Variants in BEND2 observed in about 807,000 individuals in gnomAD.
The protein encoded by BEND2 is BEN domain containing 2.
Under a neutral mutation model 43.8 loss-of-function variants are expected in BEND2, and 19 were observed. The observed-to-expected ratio is 0.43, with a 90% CI of 0.30 to 0.64. The LOEUF is 0.64. BEND2 is among the 30% of genes least tolerant of loss of function. The probability of loss-of-function intolerance (pLI) is 0.11; values close to 1 mark genes in which losing one functional copy is unlikely to be tolerated. For synonymous variants in BEND2, 226 were observed against 210.1 expected, an observed-to-expected ratio of 1.08 and a Z score of -0.66; for missense variants, 544 against 574.0, an observed-to-expected ratio of 0.95 and a Z score of 0.53.
chrX:18,183,421 A>T (rs5955610), intron 8 of BEND2, among the ~76,000 whole-genome samples: 32 of 112,727 alleles, frequency 2.8e-4, no homozygotes, highest in African/African-American at 9.0e-4. Flanking sequence ...AACACACAGG[A>T]CACAGCTTCG....
chrX:18,198,803 A>C (rs1925045135), intron 6 of BEND2, among the ~76,000 whole-genome samples: 1 of 109,056 alleles, frequency 9.2e-6, no homozygotes, highest in Non-Finnish European at 1.9e-5. Context: ...GAACCAACCC[A>C]AATGTCCAAC....
chrX:18,220,821 G>A lies in BEND2; in HGVS notation c.-71C>T. On this transcript the variant is annotated 5_prime_UTR_variant, in exon 1 of 14. Coordinates refer to ENST00000380033, the MANE Select transcript of BEND2 (RefSeq NM_153346.5). ...GAGACCTGAGGCCTACGTCTGCGCC[G>A]CGGCTCTGAGGTAACTGCTTGGTAA... is the stretch of plus-strand genomic sequence containing the variant. 1.8e-6 allele frequency: 2 copies of A among 1,090,630 alleles called. No individual in the cohort carries two copies. The highest frequency in any genetic ancestry group is 2.0e-5 in the South Asian group (1 of 49,658). The allele number at this position is 1,090,630 out of a possible 1,213,427, so 89.9% of individuals were successfully genotyped here. A position where few individuals can be genotyped will look rare whatever the true frequency, so the allele number is the denominator to read the frequency against.
intron 9 of BEND2, among the ~76,000 whole-genome samples, chrX:18,178,643 T>C (rs2147396609): frequency 9.0e-6 from 1 of 111,719 alleles, no homozygotes; most frequent in Admixed American, 9.6e-5. Flanking sequence ...TCATCATAAT[T>C]TTCCTGACAA....
At chrX:18,173,017 T>A (rs755526759) in intron 12 of BEND2, among the ~76,000 whole-genome samples, 2 of 112,098 alleles carry the variant, frequency 1.8e-5, no homozygotes, top group Non-Finnish European at 3.8e-5. Flanking sequence ...AATAGTTTTT[T>A]AAAGTATTTT....
chrX:18,214,810 C>CAAA (rs58814498), intron 2 of BEND2, among the ~76,000 whole-genome samples: 418 of 35,294 alleles, frequency 0.012, no homozygotes, highest in Non-Finnish European at 0.013. Context: ...GACTCTGTCT[C>CAAA]AAAAAAAAAA....
At chrX:18,197,828 G>A (rs997565766) in intron 6 of BEND2, among the ~76,000 whole-genome samples, 2 of 111,303 alleles carry the variant, frequency 1.8e-5, no homozygotes, top group Non-Finnish European at 3.8e-5. Context: ...GTTGTGGGAG[G>A]GACCTAGGGG....
At position 18,203,791 on chromosome X, in the gene BEND2, A is replaced by G. The variant is rs1292472208; in HGVS notation, c.617T>C (p.Leu206Ser). 2.5e-6 allele frequency: 3 copies of G among 1,209,710 alleles called. No homozygotes were observed. Among genetic ancestry groups the G allele is most frequent in the Non-Finnish European group, 3.4e-6 (3 of 894,691 alleles). The change falls in exon 5 of 14, where the codon TTA becomes TCA. Residue 206 changes from leucine (L) to serine (S), a missense_variant. Leu to Ser is a moderately radical substitution (Grantham distance 145, BLOSUM62 -2). Transcript: ENST00000380033. ...TGAGGAGACAATTCTGGGATATGAT[A>G]AACTCTCACTGAGGTCTGCTTCCTG... ...ELQEADLSES[L>S]SYPRIVSSSS...
intron 9 of BEND2, among the ~76,000 whole-genome samples, chrX:18,178,689 T>C (rs972372904): frequency 2.7e-5 from 3 of 111,464 alleles, no homozygotes; most frequent in African/African-American, 9.8e-5. Flanking sequence ...CCAGGCATTG[T>C]GTTAAGAGCT....
intron 10 of BEND2, among the ~76,000 whole-genome samples, chrX:18,176,723 A>G (rs1207802135): frequency 1.8e-5 from 2 of 111,296 alleles, no homozygotes; most frequent in African/African-American, 3.3e-5. Flanking sequence ...TGACTATTTC[A>G]GGGTGCTCAG....
At chrX:18,197,380 G>GT (rs1924988424) in intron 6 of BEND2, among the ~76,000 whole-genome samples, 1 of 111,738 alleles carries the variant, frequency 8.9e-6, no homozygotes, top group Non-Finnish European at 1.9e-5. Context: ...GTTGCAGTGA[G>GT]CCAAGACCAC....
rs1036234455 is a variant in BEND2 at position 18,172,094 on chromosome X, A to G, written c.1982-890T>C. 2.7e-5 allele frequency among the ~76,000 whole-genome samples: 3 copies of G among 110,872 alleles called. No individual in the cohort carries two copies. The South Asian group carries it at 1.1e-3, about 42-fold the overall frequency. ...GAATTAACTACATTTGAAAAATATTATATTTTACATATAATAATTATTTGT... is the reference window on the plus strand; with the variant it reads ...GAATTAACTACATTTGAAAAATATTGTATTTTACATATAATAATTATTTGT... On this transcript the variant is annotated intron_variant, in intron 12 of 13. Coordinates refer to ENST00000380033, the MANE Select transcript of BEND2 (RefSeq NM_153346.5).
In BEND2 at chrX:18,174,171, C is replaced by G. The variant is rs1451814178; in HGVS notation, c.1840G>C (p.Glu614Gln). Residue 614 changes from glutamate (E) to glutamine (Q), a missense_variant, in exon 12 of 14, where the codon GAA becomes CAA. This residue lies in a region of BEND2 where 501 missense variants were observed against 501.6 expected (regional missense o/e 1.00). Coordinates refer to ENST00000380033, the MANE Select transcript of BEND2 (RefSeq NM_153346.5). ...GGCTGAAACATCCAAGAACAGCCTT[C>G]ACCACCATCTCTGCCCCTTTGGTCA... ...RNDQRGRDGG[E>Q]GCSWMFQPMN... The G allele has an allele frequency of 8.3e-7, 1 of 1,211,664 alleles. No individual in the cohort carries two copies. The highest frequency in any genetic ancestry group is 3.0e-5 in the East Asian group (1 of 33,843).
At chrX:18,184,110 T>C (rs1924490069) in intron 8 of BEND2, among the ~76,000 whole-genome samples, 1 of 111,413 alleles carries the variant, frequency 9.0e-6, no homozygotes, top group South Asian at 3.8e-4. Context: ...AGTGGTGGTG[T>C]CCACAGGGGT....
At chrX:18,201,608 C>T (rs1264075262) in intron 6 of BEND2, among the ~76,000 whole-genome samples, 1 of 107,538 alleles carries the variant, frequency 9.3e-6, no homozygotes, top group Non-Finnish European at 1.9e-5. Context: ...TCTCCTGCCT[C>T]GGCCTCCGGA....
At chrX:18,182,048 A>C (rs1924401546) in intron 8 of BEND2, among the ~76,000 whole-genome samples, 1 of 112,126 alleles carries the variant, frequency 8.9e-6, no homozygotes, top group South Asian at 3.7e-4. Context: ...AAACTCTACA[A>C]ATTCAATAAC....
rs1452407298 is a variant in BEND2 at position 18,206,888 on chromosome X, A to C, written c.493-2973T>G. 2.7e-5 allele frequency among the ~76,000 whole-genome samples: 3 copies of C among 111,840 alleles called. No individual in the cohort carries two copies. In the Admixed American group the frequency reaches 2.8e-4, roughly 11 times the overall value. The stretch of plus-strand genomic sequence containing the variant: ...CTCAAGAGGGAACTGGTATGAAAGA[A>C]CAAGGCAAGCTGCAGCGCCACCCCT... On this transcript the variant is annotated intron_variant, in intron 4 of 13. Transcript: ENST00000380033.
chrX:18,208,829 T>G (rs1192794736), intron 4 of BEND2, among the ~76,000 whole-genome samples: 2 of 111,684 alleles, frequency 1.8e-5, no homozygotes, highest in Admixed American at 9.6e-5. Flanking sequence ...TATTTCCTAG[T>G]TCTGTCCACT....
chrX:18,210,220 A>G (rs1396906952), intron 4 of BEND2, among the ~76,000 whole-genome samples: 1 of 111,443 alleles, frequency 9.0e-6, no homozygotes, highest in African/African-American at 3.3e-5. Flanking sequence ...AAAGAATTCA[A>G]ATTGCTTTCT....
chrX:18,218,605 G>A (rs950732286), intron 1 of BEND2, among the ~76,000 whole-genome samples: 1 of 112,668 alleles, frequency 8.9e-6, no homozygotes, highest in African/African-American at 3.2e-5. Context: ...GCTCTCACTC[G>A]TAATCCCCGC....
Sources: gnomAD v4.1 joint callset for allele counts (sites outside exome capture counted in the v4.1 genomes callset) on GRCh38, gnomAD v4.1.1 for gene constraint, gnomAD v4.1.1 regional missense constraint, MANE v1.5 for transcripts, NCBI Gene and HGNC (gene_info 2026-07-23, HGNC 2026-07-21) for gene names.